The following TRIP11 variants were observed in gnomAD, a reference collection of about 807,000 sequenced individuals.
TRIP11 encodes thyroid hormone receptor interactor 11, also known as thyroid receptor-interacting protein 11.
A neutral mutation model predicts 223.1 loss-of-function variants in TRIP11; 148 were observed. That is an observed-to-expected ratio of 0.66 (90% CI 0.58 to 0.76). TRIP11 has a LOEUF of 0.76. Ranked by LOEUF, TRIP11 falls within the 30% of genes least tolerant of loss-of-function variation. TRIP11 has a pLI of 0.00. For synonymous variants in TRIP11, 762 were observed against 772.6 expected (o/e 0.99, Z 0.23); for missense variants, 2,043 against 2,222.0 (o/e 0.92, Z 1.62).
At chr14:91,975,094 C>T (rs2056447235) in intron 18 of TRIP11, 78 bp downstream of exon 18, 3 of 1,282,112 alleles carry the variant, frequency 2.3e-6, no homozygotes, top group East Asian at 2.3e-5. Flanking sequence ...AAGTTACATA[C>T]AGTAAAAGGA....
intron 14 of TRIP11, among the ~76,000 whole-genome samples, chr14:91,995,097 T>C (rs2056732534): frequency 6.6e-6 from 1 of 152,126 alleles, no homozygotes; most frequent in African/African-American, 2.4e-5. Flanking sequence ...TTCCTTGTAT[T>C]TCCTCAACTC....
chr14:92,039,505 G>A (rs778398224), intron 1 of TRIP11, 42 bp downstream of exon 1: 3 of 1,608,356 alleles, frequency 1.9e-6, no homozygotes, highest in African/African-American at 1.3e-5. Context: ...GACGTTCCCA[G>A]GGTCTTAGAA....
Position 92,006,430 on chromosome 14 carries a change from C to T in TRIP11, c.1546G>A (p.Asp516Asn), listed in dbSNP as rs1319773009. ...EATKHMILIK[D>N]QLSKQQNEGD... The stretch of plus-strand genomic sequence containing the variant: ...TCATTTTGTTGTTTTGATAGCTGAT[C>T]TTTTATCAAAATCATGTGCTGAAAG... Residue 516 changes from aspartate to asparagine, a missense_variant, in exon 11 of 21, where the codon GAT becomes AAT. Coordinates refer to ENST00000267622, the MANE Select transcript of TRIP11 (RefSeq NM_004239.4). 1 of 1,612,402 alleles carries T rather than the reference C, an allele frequency of 6.2e-7. No homozygotes were observed. Among genetic ancestry groups the T allele is most frequent in the African/African-American group, 1.3e-5 (1 of 74,844 alleles).
At position 91,990,349 on chromosome 14, in the gene TRIP11, T is replaced by A. The variant is rs1293091093; in HGVS notation, c.5161-1966A>T. Among the ~76,000 whole-genome samples, 10 of 152,350 alleles carry A rather than the reference T, an allele frequency of 6.6e-5. No homozygotes were observed. The East Asian group carries it at 1.9e-3, about 29-fold the overall frequency. ...CTTAGATTTTTTCCAAAATCAGCAT[T>A]TAGATTTTGTTATTCTTTCTACCAG... On this transcript the variant is annotated intron_variant, in intron 15 of 20. Coordinates refer to ENST00000267622, the MANE Select transcript of TRIP11 (RefSeq NM_004239.4).
intron 2 of TRIP11, chr14:92,027,007 TG>T: frequency 4.5e-6 from 3 of 672,872 alleles, no homozygotes; most frequent in Non-Finnish European, 7.7e-6. Context: ...CCGCCCACCG[TG>T]GGCAGTGCCA....
At chr14:92,034,198 C>A (rs773650479) in intron 1 of TRIP11, among the ~76,000 whole-genome samples, 2 of 151,914 alleles carry the variant, frequency 1.3e-5, no homozygotes, top group African/African-American at 4.8e-5. Flanking sequence ...CCAAGGTGGG[C>A]GGATCACGTG....
chr14:92,030,102 C>A (rs2057244625), intron 2 of TRIP11, among the ~76,000 whole-genome samples: 1 of 148,060 alleles, frequency 6.8e-6, no homozygotes, highest in African/African-American at 2.5e-5. Flanking sequence ...GAGGCTGAGG[C>A]AGGAGAATGG....
At position 91,966,456 on chromosome 14, in the gene TRIP11, G is replaced by A. The variant is rs2056343208; in HGVS notation, c.*3217C>T. 5.2e-6 allele frequency: 1 copy of A among 192,424 alleles called. No homozygotes were observed. Among genetic ancestry groups the A allele is most frequent in the Admixed American group, 6.1e-5 (1 of 16,350 alleles). 11.9% of individuals were successfully genotyped at this position (192,424 alleles called of 1,614,324 possible). On this transcript the variant is annotated 3_prime_UTR_variant, in exon 21 of 21. Coordinates refer to ENST00000267622, the MANE Select transcript of TRIP11 (RefSeq NM_004239.4). The stretch of plus-strand genomic sequence containing the variant: ...AAATATCAGGTCCAAATGCTTTTAA[G>A]TTTGATGGATAATAGTGTTTTCTAA...
rs2056893801 is a variant in TRIP11, at chr14:92,005,828, CAT to C, written c.2146_2147del (p.Met716GlyfsTer13). 2 of 1,614,050 alleles carry C rather than the reference CAT, an allele frequency of 1.2e-6. No homozygotes were observed. The highest frequency in any genetic ancestry group is 4.5e-5 in the East Asian group (2 of 44,850). ...ATTCTGCCTCTATCTCTCCTTTTTC[CAT>C]TTTTAGAGTCTCCACAATAGTGTTT... ...EKNTIVETLKMEKGEIEAELC... is the reference protein window; with the variant it reads ...EKNTIVETLKXEKGEIEAELC... On this transcript the variant is annotated frameshift_variant, in exon 11 of 21. Coordinates refer to ENST00000267622, the MANE Select transcript of TRIP11 (RefSeq NM_004239.4). LOFTEE classifies it high-confidence loss of function.
chr14:92,016,292 C>T (rs1324243573), intron 5 of TRIP11, among the ~76,000 whole-genome samples: 4 of 152,172 alleles, frequency 2.6e-5, no homozygotes, highest in Non-Finnish European at 5.9e-5. Context: ...AAACTGTCAA[C>T]CTGGCGCCTT....
chr14:91,983,198 T>C (rs2056565557), intron 16 of TRIP11, among the ~76,000 whole-genome samples: 1 of 152,252 alleles, frequency 6.6e-6, no homozygotes, highest in African/African-American at 2.4e-5. Context: ...ATTTGATGCA[T>C]GTCATCTTCC....
In TRIP11 at chr14:91,999,242, T is replaced by G; in HGVS notation, c.4890A>C (p.Ala1630=). The change falls in exon 13 of 21, where the codon GCA becomes GCC. Residue 1630 remains alanine (A), a splice_region_variant and synonymous_variant. Coordinates refer to ENST00000267622, the MANE Select transcript of TRIP11 (RefSeq NM_004239.4). The stretch of plus-strand genomic sequence containing the variant: ...ATGCAAAAAAATGAAAAAATTACCT[T>G]GCATTTTCCATTGCATTAGAGGATG... ...LVSSSNAMEN[A]SHQASVQVES... 1 of 1,612,756 alleles carries G rather than the reference T, an allele frequency of 6.2e-7. No individual in the cohort carries two copies.
In TRIP11 at chr14:92,004,642, T is replaced by C. The variant is rs371908303; in HGVS notation, c.3334A>G (p.Asn1112Asp). ...TGATATTCTGTTTTTAGATGGCTAT[T>C]TTCCCTAGTCTTCTCATTCAAAACA... ...FAVLNEKTRE[N>D]SHLKTEYHKM... The change falls in exon 11 of 21, where the codon AAT becomes GAT. Residue 1112 changes from asparagine (N) to aspartate (D), a missense_variant. Transcript: ENST00000267622. The C allele has an allele frequency of 6.2e-7, 1 of 1,614,060 alleles. No individual in the cohort carries two copies. The highest frequency in any genetic ancestry group is 8.5e-7 in the Non-Finnish European group (1 of 1,180,032).
chr14:91,968,187 T>C lies in TRIP11; in HGVS notation c.*1486A>G, dbSNP rs1168497537. ...TATTCACATATTTGAATTTGTTTTA[T>C]TTTCATCCTTCCTTGTTATACAAAT... On this transcript the variant is annotated 3_prime_UTR_variant, in exon 21 of 21. Transcript: ENST00000267622. 1.0e-5 allele frequency: 2 copies of C among 199,198 alleles called. No individual in the cohort carries two copies. Among genetic ancestry groups the C allele is most frequent in the Non-Finnish European group, 2.1e-5 (2 of 96,526 alleles). 12.3% of individuals were successfully genotyped at this position (199,198 alleles called of 1,614,324 possible).
At position 91,966,573 on chromosome 14, in the gene TRIP11, T is replaced by C. The variant is rs551632378; in HGVS notation, c.*3100A>G. On this transcript the variant is annotated 3_prime_UTR_variant, in exon 21 of 21. Coordinates refer to ENST00000267622, the MANE Select transcript of TRIP11 (RefSeq NM_004239.4). The stretch of plus-strand genomic sequence containing the variant: ...TGATAGTTTCTGTACTCTTTTCAAT[T>C]AACCATTAAGAGGTTAAAAGAAACC... 9.6e-6 allele frequency: 2 copies of C among 209,202 alleles called. No individual in the cohort carries two copies. Among genetic ancestry groups the C allele is most frequent in the Non-Finnish European group, 1.9e-5 (2 of 102,828 alleles). The allele number at this position is 209,202 out of a possible 1,614,324, so 13.0% of individuals were successfully genotyped here.
intron 3 of TRIP11, among the ~76,000 whole-genome samples, chr14:92,024,477 C>A (rs545460803): frequency 6.6e-6 from 1 of 152,116 alleles, no homozygotes; most frequent in South Asian, 2.1e-4. Context: ...ATTATCACTT[C>A]CCAACAAATT....
intron 4 of TRIP11, among the ~76,000 whole-genome samples, chr14:92,020,581 C>G (rs2140136196): frequency 6.6e-6 from 1 of 151,618 alleles, no homozygotes; most frequent in East Asian, 1.9e-4. Context: ...GGTGTTTACA[C>G]CAGAGGAGTC....
chr14:92,026,900 G>T, intron 2 of TRIP11: 1 of 1,492,696 alleles, frequency 6.7e-7, no homozygotes, highest in Non-Finnish European at 9.1e-7. Flanking sequence ...AGCAAAAAAG[G>T]AAAAGTTAAA....
Position 92,005,707 on chromosome 14 carries a change from A to T in TRIP11, c.2269T>A (p.Leu757Ile). Residue 757 changes from leucine to isoleucine, a missense_variant, in exon 11 of 21, where the codon TTA becomes ATA. Transcript: ENST00000267622. ...SNARNLNTSALQLEHEHLIKL... is the reference protein window; with the variant it reads ...SNARNLNTSAIQLEHEHLIKL... ...ATTAAATGCTCATGTTCCAGCTGTAAGGCAGAGGTATTCAAATTACGTGCA... is the reference window on the plus strand; with the variant it reads ...ATTAAATGCTCATGTTCCAGCTGTATGGCAGAGGTATTCAAATTACGTGCA... 6.2e-7 allele frequency: 1 copy of T among 1,613,932 alleles called. No individual in the cohort carries two copies. The highest frequency in any genetic ancestry group is 8.5e-7 in the Non-Finnish European group (1 of 1,180,016).
Sources: allele counts gnomAD v4.1 joint callset (sites outside exome capture counted in the v4.1 genomes callset), GRCh38; gene constraint gnomAD v4.1.1; transcripts MANE v1.5; gene names NCBI Gene and HGNC (gene_info 2026-07-23, HGNC 2026-07-21).